Variants in AGBL4 observed in about 807,000 individuals in gnomAD.
AGBL4 encodes the protein cytosolic carboxypeptidase 6.
Under a neutral mutation model 66.4 loss-of-function variants are expected in AGBL4, and 58 were observed. That is an observed-to-expected ratio of 0.87 (90% CI 0.71 to 1.09). The LOEUF is 1.09. Ranked by LOEUF, AGBL4 falls within the 50% of genes least tolerant of loss-of-function variation. The probability of loss-of-function intolerance (pLI) is 0.00; values close to 1 mark genes in which losing one functional copy is unlikely to be tolerated. For synonymous variants in AGBL4, 234 were observed against 222.9 expected (o/e 1.05, Z -0.44); for missense variants, 579 against 631.0 (o/e 0.92, Z 0.88).
intron 6 of AGBL4, among the ~76,000 whole-genome samples, chr1:48,679,959 T>C (rs1385109870): frequency 6.6e-6 from 1 of 152,160 alleles, no homozygotes; most frequent in East Asian, 1.9e-4. Context: ...CATGGCCACC[T>C]CCCCTGGGGA....
At chr1:48,975,613 A>G (rs1040410178) in intron 5 of AGBL4, among the ~76,000 whole-genome samples, 3 of 152,134 alleles carry the variant, frequency 2.0e-5, no homozygotes, top group Non-Finnish European at 4.4e-5. Context: ...AACCAAGTAT[A>G]ATCTGACTCC....
chr1:49,173,030 G>C (rs1053733203), intron 4 of AGBL4, among the ~76,000 whole-genome samples: 10 of 151,910 alleles, frequency 6.6e-5, no homozygotes, highest in African/African-American at 2.2e-4. Context: ...GAGGCAGGAG[G>C]ATCGCTTGAA....
At chr1:48,816,687 T>C (rs1646186600) in intron 6 of AGBL4, among the ~76,000 whole-genome samples, 2 of 152,190 alleles carry the variant, frequency 1.3e-5, no homozygotes, top group Non-Finnish European at 1.5e-5. Context: ...GTAAGAATCT[T>C]GAAAGATGCT....
chr1:49,170,301 T>G (rs963085598), intron 4 of AGBL4, among the ~76,000 whole-genome samples: 1 of 144,956 alleles, frequency 6.9e-6, no homozygotes, highest in African/African-American at 2.5e-5. Flanking sequence ...TATATTCATA[T>G]AAATATGTTA....
Position 49,492,357 on chromosome 1 carries a change from A to C in AGBL4, c.282+204956T>G, listed in dbSNP as rs148725280. Among the ~76,000 whole-genome samples, 14 of 152,078 alleles carry C rather than the reference A, an allele frequency of 9.2e-5. No homozygotes were observed. In the East Asian group the frequency reaches 2.5e-3, roughly 27 times the overall value. The stretch of plus-strand genomic sequence containing the variant: ...GTTCTGGGCAGGACAGATGAGGGGC[A>C]GCTATTCAGAACAGCTTGAAATTTA... On this transcript the variant is annotated intron_variant, in intron 3 of 13. Transcript: ENST00000371839.
intron 11 of AGBL4, among the ~76,000 whole-genome samples, chr1:48,576,177 T>A (rs1557799328): frequency 6.6e-6 from 1 of 152,260 alleles, no homozygotes; most frequent in South Asian, 2.1e-4. Context: ...CCTGAGCTCC[T>A]CCTCCTGTCA....
chr1:48,966,237 G>A (rs3127550), intron 5 of AGBL4, among the ~76,000 whole-genome samples: 58,303 of 152,002 alleles, frequency 0.38, 12,690 homozygotes, highest in Middle Eastern at 0.52. Context: ...GCAATCAAAT[G>A]TATGTCTCTG....
At chr1:49,381,646 C>T (rs1359377623) in intron 3 of AGBL4, among the ~76,000 whole-genome samples, 1 of 152,028 alleles carries the variant, frequency 6.6e-6, no homozygotes, top group African/African-American at 2.4e-5. Flanking sequence ...CACATATACA[C>T]CATGGAATAC....
chr1:48,705,699 T>C (rs1170619637), intron 6 of AGBL4, among the ~76,000 whole-genome samples: 7 of 152,348 alleles, frequency 4.6e-5, no homozygotes, highest in Middle Eastern at 3.4e-3. Flanking sequence ...ACAGTAATGT[T>C]AAAAATTAAA....
At chr1:48,771,193 T>C (rs893542059) in intron 6 of AGBL4, among the ~76,000 whole-genome samples, 2 of 152,304 alleles carry the variant, frequency 1.3e-5, no homozygotes, top group East Asian at 3.9e-4. Context: ...AGAGAAAATG[T>C]CTCCAGATTA....
intron 3 of AGBL4, among the ~76,000 whole-genome samples, chr1:49,258,582 G>C (rs564761481): frequency 1.3e-5 from 2 of 152,258 alleles, no homozygotes; most frequent in South Asian, 2.1e-4. Context: ...TGAATGAAAT[G>C]AAGTGAGAAG....
intron 1 of AGBL4, among the ~76,000 whole-genome samples, chr1:49,960,268 A>G (rs924285697): frequency 2.6e-5 from 4 of 152,116 alleles, no homozygotes; most frequent in African/African-American, 7.2e-5. Flanking sequence ...ATTTTTGGTA[A>G]CATGGATGGA....
At chr1:49,772,394 G>A (rs6697386) in intron 2 of AGBL4, among the ~76,000 whole-genome samples, 3,388 of 152,226 alleles carry the variant, frequency 0.022, 108 homozygotes, top group African/African-American at 0.073. Context: ...TTAGAGGTTT[G>A]AAGGATTTAC....
intron 2 of AGBL4, among the ~76,000 whole-genome samples, chr1:49,814,512 T>C (rs1302762704): frequency 6.6e-6 from 1 of 152,100 alleles, no homozygotes; most frequent in Non-Finnish European, 1.5e-5. Context: ...ACTATATAAA[T>C]ATTTGAGTAA....
chr1:50,012,841 T>C (rs2148439788), intron 1 of AGBL4, among the ~76,000 whole-genome samples: 1 of 152,304 alleles, frequency 6.6e-6, no homozygotes, highest in South Asian at 2.1e-4. Context: ...GGATCACATG[T>C]AAAATTTTCT....
At chr1:49,390,224 G>C (rs558490385) in intron 3 of AGBL4, among the ~76,000 whole-genome samples, 34 of 152,276 alleles carry the variant, frequency 2.2e-4, no homozygotes, top group African/African-American at 8.2e-4. Flanking sequence ...TCTCATAAAG[G>C]CTCAGAAGTC....
intron 4 of AGBL4, among the ~76,000 whole-genome samples, chr1:49,117,506 GTT>G (rs918834735): frequency 6.6e-6 from 1 of 152,070 alleles, no homozygotes; most frequent in Non-Finnish European, 1.5e-5. Flanking sequence ...TTTTTGTCAG[GTT>G]TCTCAAAGAT....
chr1:49,589,912 T>C (rs1474875972), intron 3 of AGBL4, among the ~76,000 whole-genome samples: 1 of 152,082 alleles, frequency 6.6e-6, no homozygotes, highest in Non-Finnish European at 1.5e-5. Flanking sequence ...GATAGCTATT[T>C]TGACTCTTAC....
rs1645632111 is a variant in AGBL4 at position 49,120,568 on chromosome 1, T to A, written c.378-74768A>T. ...AGGGTTTCTGCCGAGAGATCTGCTG[T>A]TAGTCTGATGGGTTTCCCTTTGTGA... On this transcript the variant is annotated intron_variant, in intron 4 of 13. Transcript: ENST00000371839. 1.3e-5 allele frequency among the ~76,000 whole-genome samples: 2 copies of A among 152,362 alleles called. 1 individual carries two copies.
Sources: gnomAD v4.1 joint callset for allele counts (sites outside exome capture counted in the v4.1 genomes callset) on GRCh38, gnomAD v4.1.1 for gene constraint, MANE v1.5 for transcripts, NCBI Gene and HGNC (gene_info 2026-07-23, HGNC 2026-07-21) for gene names.